Variants in KSR1 observed in about 807,000 individuals in gnomAD.
KSR1 encodes the protein kinase suppressor of ras 1.
A neutral mutation model predicts 92.9 loss-of-function variants in KSR1; 35 were observed. The observed-to-expected ratio is 0.38, with a 90% confidence interval of 0.29 to 0.50. KSR1 has a LOEUF of 0.50. Ranked by LOEUF, KSR1 falls within the 20% of genes least tolerant of loss-of-function variation. The probability of loss-of-function intolerance (pLI) is 0.94; values close to 1 mark genes in which losing one functional copy is unlikely to be tolerated. For synonymous variants in KSR1, 467 were observed against 472.6 expected (o/e 0.99, Z 0.15); for missense variants, 972 against 1,158.5 (o/e 0.84, Z 2.34).
rs73983468 is a variant in KSR1 at position 27,549,581 on chromosome 17, G to A, written c.232-987G>A. ...CTTATTTGAAGTTTTAGCCATTTGC[G>A]AGTCTTTTGAAAGCTTTGGACAATA... is the stretch of plus-strand genomic sequence containing the variant. On this transcript the variant is annotated intron_variant, in intron 1 of 20. Coordinates refer to ENST00000644974, the MANE Select transcript of KSR1 (RefSeq NM_001394583.1). Among the ~76,000 whole-genome samples, 471 of 152,326 alleles carry A rather than the reference G, an allele frequency of 3.1e-3. 3 individuals are homozygous for A. The highest frequency in any genetic ancestry group is 9.8e-3 in the African/African-American group (409 of 41,558).
intron 1 of KSR1, among the ~76,000 whole-genome samples, chr17:27,522,607 A>G (rs566015457): frequency 9.2e-5 from 14 of 152,282 alleles, no homozygotes; most frequent in African/African-American, 3.1e-4. Flanking sequence ...TTGTGGTGGG[A>G]CAAACACCTT....
intron 6 of KSR1, among the ~76,000 whole-genome samples, 170 bp downstream of exon 6, chr17:27,588,705 G>T (rs549017217): frequency 6.6e-6 from 1 of 152,328 alleles, no homozygotes; most frequent in East Asian, 1.9e-4. Context: ...CCTTGCCAGG[G>T]TGGCCACATG....
intron 2 of KSR1, among the ~76,000 whole-genome samples, chr17:27,564,479 A>G (rs1486656239): frequency 6.6e-6 from 1 of 152,248 alleles, no homozygotes; most frequent in Non-Finnish European, 1.5e-5. Flanking sequence ...TAGGCAATAC[A>G]AATCCAAGGA....
chr17:27,456,510 G>C lies in KSR1; in HGVS notation c.-134G>C, dbSNP rs1292317693. On this transcript the variant is annotated 5_prime_UTR_variant, in exon 1 of 21. Coordinates refer to ENST00000644974, the MANE Select transcript of KSR1 (RefSeq NM_001394583.1). ...GGTGGAAGCGGCAGACTCAGCGGCC[G>C]GCTCTACCGGCGTCCCGGCTCGGGC... The C allele has an allele frequency of 5.0e-6, 2 of 398,296 alleles. No homozygotes were observed. The highest frequency in any genetic ancestry group is 3.9e-5 in the East Asian group (1 of 25,768). 24.7% of individuals were successfully genotyped at this position (398,296 alleles called of 1,614,324 possible). A position where few individuals can be genotyped will look rare whatever the true frequency, so the allele number is the denominator to read the frequency against.
At chr17:27,534,071 T>C (rs2070660736) in intron 1 of KSR1, among the ~76,000 whole-genome samples, 1 of 152,258 alleles carries the variant, frequency 6.6e-6, no homozygotes, top group South Asian at 2.1e-4. Context: ...CTTCAGGCTG[T>C]GTGCATCTTG....
chr17:27,497,743 A>G (rs938253686), intron 1 of KSR1, among the ~76,000 whole-genome samples: 1 of 152,240 alleles, frequency 6.6e-6, no homozygotes, highest in Non-Finnish European at 1.5e-5. Context: ...TACTGGTGGC[A>G]TATGCCAGAC....
rs1567900430 is a variant in KSR1 at position 27,622,217 on chromosome 17, G to A, written c.2708+944G>A. The A allele has an allele frequency of 7.9e-6, 4 of 508,148 alleles. No homozygotes were observed. In the South Asian group the frequency reaches 8.9e-5, roughly 11 times the overall value. 31.5% of individuals were successfully genotyped at this position (508,148 alleles called of 1,614,324 possible). On this transcript the variant is annotated intron_variant, in intron 20 of 20. Coordinates refer to ENST00000644974, the MANE Select transcript of KSR1 (RefSeq NM_001394583.1). ...CTGGGCAGCTTCTAACTACCTTCCT[G>A]GACATGACTGATTGCTCCCGTGTTC...
intron 5 of KSR1, chr17:27,585,941 C>A: frequency 2.2e-6 from 1 of 457,390 alleles, no homozygotes. Flanking sequence ...CTGTCTCCAC[C>A]TTGCCCTTCC....
intron 1 of KSR1, among the ~76,000 whole-genome samples, chr17:27,546,130 A>G (rs2071164174): frequency 6.6e-6 from 1 of 152,174 alleles, no homozygotes; most frequent in Admixed American, 6.5e-5. Flanking sequence ...AGCCGCGTGG[A>G]ATGGAGGGAA....
intron 17 of KSR1, 112 bp downstream of exon 17, chr17:27,610,310 A>C (rs1368345489): frequency 3.4e-6 from 5 of 1,462,294 alleles, no homozygotes; most frequent in Admixed American, 4.0e-5. Flanking sequence ...CAGGCTCTGG[A>C]GTAAAAAATC....
chr17:27,592,322 A>G (rs773479969), intron 7 of KSR1, 39 bp from the exon 8 acceptor site: 2 of 1,571,008 alleles, frequency 1.3e-6, no homozygotes, highest in South Asian at 2.2e-5. Context: ...GAGCCCCCCC[A>G]TGTGGTGCTT....
chr17:27,555,781 C>T (rs552718665), intron 2 of KSR1, among the ~76,000 whole-genome samples: 7 of 152,338 alleles, frequency 4.6e-5, no homozygotes, highest in Admixed American at 2.0e-4. Context: ...AATACTTTCA[C>T]ACTGTTTTGT....
At chr17:27,615,195 G>C (rs1004474709) in intron 18 of KSR1, among the ~76,000 whole-genome samples, 1 of 152,208 alleles carries the variant, frequency 6.6e-6, no homozygotes, top group Non-Finnish European at 1.5e-5. Context: ...TATTTCTGCT[G>C]CACCACTTTG....
intron 20 of KSR1, chr17:27,622,742 AT>A (rs2074260732): frequency 6.2e-6 from 1 of 160,298 alleles, no homozygotes; most frequent in Non-Finnish European, 1.4e-5. Flanking sequence ...CCAGGTCAGC[AT>A]TTGTCAAGAG....
At chr17:27,502,565 G>A (rs916953019) in intron 1 of KSR1, among the ~76,000 whole-genome samples, 4 of 152,208 alleles carry the variant, frequency 2.6e-5, no homozygotes, top group African/African-American at 9.7e-5. Context: ...CTCAAGCCAC[G>A]TGCAGCCTCA....
chr17:27,605,493 C>T lies in KSR1; in HGVS notation c.1674C>T (p.Asp558=), dbSNP rs374746964. 7.8e-4 allele frequency: 1,257 copies of T among 1,607,012 alleles called. 12 individuals carry two copies. The highest frequency in any genetic ancestry group is 2.0e-4 in the Non-Finnish European group (239 of 1,177,620). Residue 558 remains aspartate, a synonymous_variant, in exon 14 of 21, where the codon GAC becomes GAT. Transcript: ENST00000644974. Reference sequence around the variant, plus strand: ...AAGACGATGAGGACGAGGTGGACGACTTGCCGAGCTCTCGCCGGCCCTGGC... The same window carrying T: ...AAGACGATGAGGACGAGGTGGACGATTTGCCGAGCTCTCGCCGGCCCTGGC... ...EAEDDEDEVD[D]LPSSRRPWRG... is the part of the protein sequence containing the mutation.
chr17:27,508,709 T>TTTTATTTATTTATTTA (rs60879548), intron 1 of KSR1, among the ~76,000 whole-genome samples: 2,278 of 138,310 alleles, frequency 0.016, 58 homozygotes, highest in East Asian at 0.047. Context: ...CCTGAATTTT[T>TTTTATTTATTTATTTA]TTTATTTATT....
intron 1 of KSR1, among the ~76,000 whole-genome samples, chr17:27,538,032 G>C (rs917961297): frequency 2.0e-5 from 3 of 152,200 alleles, no homozygotes; most frequent in African/African-American, 7.2e-5. Context: ...TGCTCTTCGA[G>C]ATTTAAGGAC....
intron 1 of KSR1, among the ~76,000 whole-genome samples, chr17:27,475,642 A>C (rs767131898): frequency 5.6e-4 from 85 of 152,310 alleles, no homozygotes; most frequent in Non-Finnish European, 1.1e-3. Flanking sequence ...CCTTCCGTCC[A>C]CCCCATCCTT....
Sources: gnomAD v4.1 joint callset for allele counts (sites outside exome capture counted in the v4.1 genomes callset) on GRCh38, gnomAD v4.1.1 for gene constraint, MANE v1.5 for transcripts, NCBI Gene and HGNC (gene_info 2026-07-23, HGNC 2026-07-21) for gene names.